The following AKAP6 variants were observed in gnomAD, a reference collection of about 807,000 sequenced individuals.
AKAP6 encodes the protein A-kinase anchoring protein 6.
In AKAP6, 58 loss-of-function variants were observed where a neutral mutation model predicts 188.5. The ratio of observed to expected loss-of-function variants is 0.31; its 90% CI spans 0.25 to 0.38. AKAP6 has a LOEUF of 0.38. Among genes scored for constraint, AKAP6 ranks in the 10% least tolerant of loss-of-function variants. The pLI is 1.00. For missense variants in AKAP6, 2,710 were observed against 2,740.0 expected, an observed-to-expected ratio of 0.99 and a Z score of 0.24; for synonymous variants, 989 against 998.6, an observed-to-expected ratio of 0.99 and a Z score of 0.18.
rs1884330521 is a variant in AKAP6 at position 32,568,895 on chromosome 14, G to T, written c.2347-8225G>T. 6.6e-6 allele frequency among the ~76,000 whole-genome samples: 1 copy of T among 152,174 alleles called. No homozygotes were observed. Among genetic ancestry groups the T allele is most frequent in the Non-Finnish European group, 1.5e-5 (1 of 67,988 alleles). Reference sequence around the variant, plus strand: ...TTTTTATTTGTACCTATTTTTATTAGACTTTGATGATATGCATTCCAATCT... The same window carrying T: ...TTTTTATTTGTACCTATTTTTATTATACTTTGATGATATGCATTCCAATCT... On this transcript the variant is annotated intron_variant, in intron 4 of 13. Coordinates refer to ENST00000280979, the MANE Select transcript of AKAP6 (RefSeq NM_004274.5). This position sits in a 1 kb window ranked among gnomAD's most constrained non-coding sequence, Gnocchi z 6.2.
intron 9 of AKAP6, among the ~76,000 whole-genome samples, chr14:32,731,731 A>G (rs932420452): frequency 2.7e-4 from 41 of 152,200 alleles, no homozygotes; most frequent in Non-Finnish European, 3.5e-4. Flanking sequence ...AGTTATTTGA[A>G]GAGAATCACC....
At chr14:32,436,528 T>C (rs1453446247) in intron 2 of AKAP6, among the ~76,000 whole-genome samples, 1 of 152,236 alleles carries the variant, frequency 6.6e-6, no homozygotes, top group Admixed American at 6.5e-5. Context: ...GCTGCCATCC[T>C]AGTCAAGCCA....
intron 1 of AKAP6, among the ~76,000 whole-genome samples, chr14:32,411,305 T>C (rs1305178816): frequency 6.6e-6 from 1 of 152,174 alleles, no homozygotes; most frequent in Non-Finnish European, 1.5e-5. Context: ...GGAACATCCT[T>C]CCACCAATAT....
chr14:32,329,444 T>A (rs1188290881), intron 1 of AKAP6, 36 bp downstream of exon 1: 1 of 152,152 alleles, frequency 6.6e-6, no homozygotes, highest in Non-Finnish European at 1.5e-5. Flanking sequence ...ATTGCACGGC[T>A]GTTTTGTTGG....
chr14:32,639,104 T>C (rs937297950), intron 7 of AKAP6, among the ~76,000 whole-genome samples: 3 of 152,112 alleles, frequency 2.0e-5, no homozygotes, highest in African/African-American at 7.2e-5. Flanking sequence ...ATATATGATA[T>C]TTAAATGCTA....
At chr14:32,744,722 C>T (rs2031823279) in intron 11 of AKAP6, among the ~76,000 whole-genome samples, 1 of 152,204 alleles carries the variant, frequency 6.6e-6, no homozygotes, top group African/African-American at 2.4e-5. Context: ...CTCTCTACCT[C>T]CTCTTTAAGG....
At chr14:32,542,855 T>G (rs533772558) in intron 3 of AKAP6, among the ~76,000 whole-genome samples, 1 of 152,358 alleles carries the variant, frequency 6.6e-6, no homozygotes, top group Non-Finnish European at 1.5e-5. Flanking sequence ...ACTTGGAAGA[T>G]CTTCAAATAT....
chr14:32,570,761 GT>G (rs1249000867), intron 4 of AKAP6, among the ~76,000 whole-genome samples: 1 of 152,172 alleles, frequency 6.6e-6, no homozygotes, highest in African/African-American at 2.4e-5. Context: ...TGTAGCAACT[GT>G]TTTCTTAACA....
intron 1 of AKAP6, among the ~76,000 whole-genome samples, chr14:32,386,641 T>A (rs1189052860): frequency 6.6e-6 from 1 of 152,200 alleles, no homozygotes; most frequent in Non-Finnish European, 1.5e-5. Context: ...TTGTTTTTAT[T>A]GCATTTGCTT....
chr14:32,614,538 A>T (rs2139394488), intron 7 of AKAP6, among the ~76,000 whole-genome samples: 1 of 152,342 alleles, frequency 6.6e-6, no homozygotes, highest in South Asian at 2.1e-4. Context: ...TCATCATAAA[A>T]GGGAGTGTGT....
In AKAP6 at chr14:32,440,185, C is replaced by G. The variant is rs183587019; in HGVS notation, c.324+6368C>G. 1.1e-4 allele frequency among the ~76,000 whole-genome samples: 16 copies of G among 152,144 alleles called. No individual in the cohort carries two copies. The East Asian group carries it at 2.3e-3, about 22-fold the overall frequency. On this transcript the variant is annotated intron_variant, in intron 2 of 13. Transcript: ENST00000280979. ...TCCCTACAAAGGACATGAATTCATC[C>G]TTTTTTATGGCTGCATAGTATTCCA...
At chr14:32,807,030 G>T (rs1363389621) in intron 12 of AKAP6, among the ~76,000 whole-genome samples, 1 of 151,422 alleles carries the variant, frequency 6.6e-6, no homozygotes, top group East Asian at 2.0e-4. Flanking sequence ...CTCCAGCCTG[G>T]GTGACAGAGC....
chr14:32,530,100 C>T (rs1882337497), intron 2 of AKAP6, among the ~76,000 whole-genome samples: 1 of 150,220 alleles, frequency 6.7e-6, no homozygotes, highest in African/African-American at 2.5e-5. Context: ...GATCATGGCT[C>T]ACTGCAGCCT....
intron 2 of AKAP6, among the ~76,000 whole-genome samples, chr14:32,519,533 A>G (rs997202059): frequency 6.6e-6 from 1 of 152,172 alleles, no homozygotes; most frequent in Non-Finnish European, 1.5e-5. Flanking sequence ...AAAAAAAAGC[A>G]GGGGTTGCAA....
At chr14:32,371,414 TACAAA>T (rs1490928704) in intron 1 of AKAP6, among the ~76,000 whole-genome samples, 1 of 152,132 alleles carries the variant, frequency 6.6e-6, no homozygotes, top group Non-Finnish European at 1.5e-5. Context: ...CCTCCATCTC[TACAAA>T]ACAAAAACAA....
At chr14:32,504,781 G>A (rs1880781499) in intron 2 of AKAP6, among the ~76,000 whole-genome samples, 1 of 152,112 alleles carries the variant, frequency 6.6e-6, no homozygotes, top group Non-Finnish European at 1.5e-5. Flanking sequence ...ACAACTCTCA[G>A]ATCTTCATGG....
At chr14:32,709,791 C>T (rs1890964633) in intron 9 of AKAP6, among the ~76,000 whole-genome samples, 1 of 152,066 alleles carries the variant, frequency 6.6e-6, no homozygotes, top group Admixed American at 6.6e-5. Flanking sequence ...AATCCATGCT[C>T]TGTAACTAGC....
chr14:32,557,631 G>C (rs1446685016), intron 4 of AKAP6, among the ~76,000 whole-genome samples: 2 of 152,186 alleles, frequency 1.3e-5, no homozygotes, highest in Non-Finnish European at 2.9e-5. Flanking sequence ...ACACTACTTG[G>C]ATGTTGATAA....
At chr14:32,474,643 G>A (rs1308264231) in intron 2 of AKAP6, 1 of 152,230 alleles carries the variant, frequency 6.6e-6, no homozygotes, top group Admixed American at 6.5e-5. Flanking sequence ...AAGAAATAGG[G>A]ATTGAATCTT....
Sources: gnomAD v4.1 joint callset for allele counts (sites outside exome capture counted in the v4.1 genomes callset) on GRCh38, gnomAD v4.1.1 for gene constraint, Gnocchi (gnomAD v3.1) non-coding constraint, MANE v1.5 for transcripts, NCBI Gene and HGNC (gene_info 2026-07-23, HGNC 2026-07-21) for gene names.